The following IL1RAPL1 variants were observed in gnomAD, a reference collection of about 807,000 sequenced individuals.
IL1RAPL1 encodes interleukin-1 receptor accessory protein-like 1.
In IL1RAPL1, 3 loss-of-function variants were observed where a neutral mutation model predicts 48.4. That is an observed-to-expected ratio of 0.06 (90% CI 0.03 to 0.16). The LOEUF (loss-of-function observed/expected upper bound fraction) is 0.16. IL1RAPL1 is among the 10% of genes least tolerant of loss of function. IL1RAPL1 has a pLI of 1.00. For synonymous variants in IL1RAPL1, 185 were observed against 187.7 expected, an observed-to-expected ratio of 0.99 and a Z score of 0.12; for missense variants, 349 against 530.6, an observed-to-expected ratio of 0.66 and a Z score of 3.36.
chrX:29,884,688 C>A (rs567717489), intron 6 of IL1RAPL1, among the ~76,000 whole-genome samples: 1 of 111,497 alleles, frequency 9.0e-6, no homozygotes, highest in East Asian at 2.8e-4. Flanking sequence ...AATAGACACT[C>A]CAAACTCCAT....
chrX:29,922,074 GA>G (rs1444112220), intron 8 of IL1RAPL1, among the ~76,000 whole-genome samples: 1 of 110,665 alleles, frequency 9.0e-6, no homozygotes, highest in African/African-American at 3.3e-5. Context: ...GGGGACAAGG[GA>G]GGGGTGACAG....
In IL1RAPL1 at chrX:29,593,397, G is replaced by A. The variant is rs1350559744; in HGVS notation, c.704-75033G>A. Among the ~76,000 whole-genome samples, 4 of 111,960 alleles carry A rather than the reference G, an allele frequency of 3.6e-5. No individual in the cohort carries two copies. In the South Asian group the frequency reaches 1.5e-3, roughly 42 times the overall value. Reference sequence around the variant, plus strand: ...GAAGCCTTGACTTTCTACATTGTAGGAAAGTAAATGAGGGTTTCAGTGGAA... The same window carrying A: ...GAAGCCTTGACTTTCTACATTGTAGAAAAGTAAATGAGGGTTTCAGTGGAA... On this transcript the variant is annotated intron_variant, in intron 5 of 10. Coordinates refer to ENST00000378993, the MANE Select transcript of IL1RAPL1 (RefSeq NM_014271.4).
intron 5 of IL1RAPL1, among the ~76,000 whole-genome samples, chrX:29,576,609 T>C (rs1028032073): frequency 9.0e-6 from 1 of 111,727 alleles, no homozygotes; most frequent in South Asian, 3.8e-4. Context: ...CTGTTGGCTT[T>C]TCTTTTTTTT....
intron 1 of IL1RAPL1, among the ~76,000 whole-genome samples, chrX:28,691,601 T>C (rs917568388): frequency 4.5e-5 from 5 of 112,107 alleles, no homozygotes; most frequent in African/African-American, 1.3e-4. Context: ...TATCAGTGTC[T>C]GGGACATAAC....
intron 2 of IL1RAPL1, among the ~76,000 whole-genome samples, chrX:29,077,199 A>G (rs1927696681): frequency 8.9e-6 from 1 of 112,712 alleles, no homozygotes; most frequent in Non-Finnish European, 1.9e-5. Flanking sequence ...CAGTTACACA[A>G]TAAGGTTATT....
At chrX:29,285,583 G>A (rs1932272110) in intron 3 of IL1RAPL1, among the ~76,000 whole-genome samples, 1 of 68,159 alleles carries the variant, frequency 1.5e-5, no homozygotes, top group African/African-American at 5.8e-5. Context: ...TTGCAATAAT[G>A]AATGAAAGAT....
intron 2 of IL1RAPL1, among the ~76,000 whole-genome samples, chrX:28,814,813 A>G (rs1936841891): frequency 9.3e-6 from 1 of 107,482 alleles, no homozygotes; most frequent in Non-Finnish European, 1.9e-5. Context: ...GATCCATTTT[A>G]TCTTCTCTCT....
At chrX:28,884,661 A>C (rs1922587342) in intron 2 of IL1RAPL1, among the ~76,000 whole-genome samples, 1 of 111,827 alleles carries the variant, frequency 8.9e-6, no homozygotes, top group African/African-American at 3.2e-5. Context: ...TTTATAAACA[A>C]GCTTTTGAAT....
intron 6 of IL1RAPL1, among the ~76,000 whole-genome samples, chrX:29,878,622 G>A (rs1931959243): frequency 1.8e-5 from 2 of 111,760 alleles, no homozygotes; most frequent in South Asian, 7.3e-4. Context: ...CTGAGGTTTT[G>A]TATTATCTAC....
At chrX:28,603,645 T>A (rs1934051222) in intron 1 of IL1RAPL1, among the ~76,000 whole-genome samples, 1 of 111,315 alleles carries the variant, frequency 9.0e-6, no homozygotes, top group Non-Finnish European at 1.9e-5. Context: ...TGCAATTTAG[T>A]TCAATAATTA....
intron 2 of IL1RAPL1, among the ~76,000 whole-genome samples, chrX:29,096,152 T>C (rs1233301036): frequency 1.8e-5 from 2 of 111,513 alleles, no homozygotes; most frequent in Non-Finnish European, 3.8e-5. Flanking sequence ...TAATATACTG[T>C]TCAGTGCAGC....
chrX:28,930,163 A>C (rs1265429630), intron 2 of IL1RAPL1, among the ~76,000 whole-genome samples: 4 of 111,867 alleles, frequency 3.6e-5, no homozygotes, highest in Non-Finnish European at 7.5e-5. Flanking sequence ...AACAATCCTT[A>C]CTCTAATCCT....
At chrX:29,102,442 G>A (rs1042213833) in intron 2 of IL1RAPL1, among the ~76,000 whole-genome samples, 9 of 111,601 alleles carry the variant, frequency 8.1e-5, no homozygotes, top group East Asian at 5.7e-4. Flanking sequence ...TGAGGCGGGC[G>A]GATCACCTGA....
chrX:29,789,585 G>T (rs143034346), intron 6 of IL1RAPL1, among the ~76,000 whole-genome samples: 4,518 of 110,762 alleles, frequency 0.041, 97 homozygotes, highest in Non-Finnish European at 0.059. Flanking sequence ...AATTCAATTT[G>T]TTTGTTTTTT....
At chrX:28,802,072 C>CTA (rs1210380191) in intron 2 of IL1RAPL1, among the ~76,000 whole-genome samples, 1 of 111,706 alleles carries the variant, frequency 9.0e-6, no homozygotes, top group Non-Finnish European at 1.9e-5. Flanking sequence ...TAACTTTGTG[C>CTA]TATACAGTTT....
At chrX:29,812,144 A>G (rs1315797770) in intron 6 of IL1RAPL1, among the ~76,000 whole-genome samples, 1 of 112,381 alleles carries the variant, frequency 8.9e-6, no homozygotes, top group Non-Finnish European at 1.9e-5. Flanking sequence ...AGAGGACTTT[A>G]TGATTTAAAA....
At chrX:28,641,707 T>C (rs1203493629) in intron 1 of IL1RAPL1, among the ~76,000 whole-genome samples, 2 of 111,799 alleles carry the variant, frequency 1.8e-5, no homozygotes, top group African/African-American at 6.5e-5. Flanking sequence ...CATTCCTATT[T>C]CTCCATATCC....
chrX:29,196,501 C>G (rs778750962), intron 2 of IL1RAPL1, among the ~76,000 whole-genome samples: 18 of 111,911 alleles, frequency 1.6e-4, no homozygotes, highest in Non-Finnish European at 3.0e-4. Flanking sequence ...TGGTCTTATC[C>G]ATACAAATGC....
chrX:29,089,173 A>G (rs763171046), intron 2 of IL1RAPL1, among the ~76,000 whole-genome samples: 1 of 111,629 alleles, frequency 9.0e-6, no homozygotes, highest in South Asian at 3.8e-4. Flanking sequence ...GAAGATGTAG[A>G]AAAAACACTG....
Sources: allele counts gnomAD v4.1 joint callset (sites outside exome capture counted in the v4.1 genomes callset), GRCh38; gene constraint gnomAD v4.1.1; transcripts MANE v1.5; gene names NCBI Gene and HGNC (gene_info 2026-07-23, HGNC 2026-07-21).